Variants in SORD observed in about 807,000 individuals in gnomAD.
SORD encodes (R,R)-butanediol dehydrogenase.
SORD carries 18 observed loss-of-function variants against 35.6 expected under a neutral mutation model. That is an observed-to-expected ratio of 0.51 (90% CI 0.35 to 0.75). SORD has a LOEUF of 0.75. Among genes scored for constraint, SORD ranks in the 30% least tolerant of loss-of-function variants. SORD has a pLI of 0.01. For missense variants in SORD, 250 were observed against 390.2 expected (o/e 0.64, Z 3.03); for synonymous variants, 106 against 152.9 (o/e 0.69, Z 2.26).
At position 45,073,780 on chromosome 15, in the gene SORD, T is replaced by TGGCA; in HGVS notation, c.*257_*260dup. On this transcript the variant is annotated 3_prime_UTR_variant, in exon 9 of 9. Coordinates refer to ENST00000267814, the MANE Select transcript of SORD (RefSeq NM_003104.6). ...AAAGTTCAGCAAGTAGAGCAGAGTT[T>TGGCA]GGCAGGCAGGTGCCAGGAACTCCCC... is the stretch of plus-strand genomic sequence containing the variant. The TGGCA allele has an allele frequency of 4.5e-6, 1 of 221,766 alleles. No homozygotes were observed. Among genetic ancestry groups the TGGCA allele is most frequent in the South Asian group, 1.6e-4 (1 of 6,216 alleles). The allele number at this position is 221,766 out of a possible 1,614,324, so 13.7% of individuals were successfully genotyped here. A position where few individuals can be genotyped will look rare whatever the true frequency, so the allele number is the denominator to read the frequency against.
intron 1 of SORD, among the ~76,000 whole-genome samples, chr15:45,031,505 C>A (rs768922839): frequency 6.6e-6 from 1 of 152,254 alleles, no homozygotes; most frequent in Non-Finnish European, 1.5e-5. Flanking sequence ...AGAGTTCTCA[C>A]GGGCAGAGCT....
intron 3 of SORD, among the ~76,000 whole-genome samples, chr15:45,044,137 C>G (rs1391505846): frequency 6.6e-6 from 1 of 152,188 alleles, no homozygotes; most frequent in African/African-American, 2.4e-5. Flanking sequence ...AGGCATGTGT[C>G]TTGTTTAGGG....
At chr15:45,064,855 C>T (rs1324540660) in intron 4 of SORD, among the ~76,000 whole-genome samples, 1 of 152,194 alleles carries the variant, frequency 6.6e-6, no homozygotes, top group Non-Finnish European at 1.5e-5. Flanking sequence ...GCTTGGATAG[C>T]ACATTAAAGA....
At chr15:45,051,635 A>G (rs1160060139) in intron 3 of SORD, among the ~76,000 whole-genome samples, 1 of 152,232 alleles carries the variant, frequency 6.6e-6, no homozygotes, top group Non-Finnish European at 1.5e-5. Flanking sequence ...CTTCCAAACA[A>G]TCTGTCTTTA....
intron 1 of SORD, among the ~76,000 whole-genome samples, chr15:45,027,876 TA>T (rs1253884552): frequency 1.3e-5 from 2 of 152,258 alleles, no homozygotes; most frequent in African/African-American, 4.8e-5. Context: ...TGCGGGGAAT[TA>T]ATATATTGAC....
intron 3 of SORD, among the ~76,000 whole-genome samples, chr15:45,057,967 C>T (rs1893244211): frequency 6.6e-6 from 1 of 152,170 alleles, no homozygotes; most frequent in Admixed American, 6.5e-5. Context: ...ATCTTGAATT[C>T]TCCCTGTTTC....
At chr15:45,059,572 C>T (rs1413815119) in intron 3 of SORD, among the ~76,000 whole-genome samples, 2 of 152,204 alleles carry the variant, frequency 1.3e-5, no homozygotes, top group East Asian at 3.9e-4. Context: ...TGTCTCTCTG[C>T]AGCCTCAACC....
At position 45,023,195 on chromosome 15, in the gene SORD, A is replaced by G. The variant is rs1892616286; in HGVS notation, c.-89A>G. 2.7e-6 allele frequency: 3 copies of G among 1,122,250 alleles called. No homozygotes were observed. The highest frequency in any genetic ancestry group is 2.4e-6 in the Non-Finnish European group (2 of 826,274). 69.5% of individuals were successfully genotyped at this position (1,122,250 alleles called of 1,614,324 possible). A position where few individuals can be genotyped will look rare whatever the true frequency, so the allele number is the denominator to read the frequency against. On this transcript the variant is annotated 5_prime_UTR_variant, in exon 1 of 9. Transcript: ENST00000267814. The stretch of plus-strand genomic sequence containing the variant: ...TTCTCCCAGGCCCCACCTTCCATCC[A>G]GTGCCCTGGACCCTCGGCTGGGTAG...
intron 1 of SORD, among the ~76,000 whole-genome samples, chr15:45,029,362 T>C (rs1341490745): frequency 8.6e-6 from 1 of 115,818 alleles, no homozygotes; most frequent in Non-Finnish European, 1.6e-5. Flanking sequence ...TCTTGGCCCC[T>C]TCGCCAGACC....
At chr15:45,061,772 G>A (rs1224407349) in intron 4 of SORD, among the ~76,000 whole-genome samples, 2 of 152,066 alleles carry the variant, frequency 1.3e-5, no homozygotes, top group Non-Finnish European at 2.9e-5. Context: ...GGGAGGCTGA[G>A]GCAGGAGAAT....
chr15:45,030,377 C>T (rs766406905), intron 1 of SORD, among the ~76,000 whole-genome samples: 7 of 152,222 alleles, frequency 4.6e-5, no homozygotes, highest in Non-Finnish European at 7.3e-5. Context: ...AATATGTACA[C>T]GTAGATACAA....
intron 7 of SORD, among the ~76,000 whole-genome samples, chr15:45,071,156 A>T (rs1476037156): frequency 6.6e-6 from 1 of 152,180 alleles, no homozygotes; most frequent in East Asian, 1.9e-4. Flanking sequence ...CAGATGCCAT[A>T]CCTACAGGAT....
intron 1 of SORD, among the ~76,000 whole-genome samples, chr15:45,034,629 G>A (rs761424920): frequency 4.6e-5 from 7 of 152,368 alleles, no homozygotes; most frequent in Non-Finnish European, 8.8e-5. Flanking sequence ...TAGGGCAGCG[G>A]GAGCAGCTGA....
chr15:45,041,594 A>G (rs2259840), intron 2 of SORD: 6 of 152,074 alleles, frequency 3.9e-5, no homozygotes, highest in South Asian at 4.1e-4. Context: ...TAGCCATTCT[A>G]TGGGTGCTGA....
intron 1 of SORD, among the ~76,000 whole-genome samples, chr15:45,030,188 T>G (rs1892752923): frequency 6.6e-6 from 1 of 152,210 alleles, no homozygotes; most frequent in African/African-American, 2.4e-5. Flanking sequence ...CACCCCTATC[T>G]GCCTAGGCAT....
intron 2 of SORD, among the ~76,000 whole-genome samples, chr15:45,042,975 T>C (rs1375350089): frequency 2.0e-5 from 3 of 151,930 alleles, no homozygotes; most frequent in Non-Finnish European, 4.4e-5. Flanking sequence ...TCAAAGTCTA[T>C]TGGTTTAAAA....
chr15:45,024,466 C>T (rs560279967), intron 1 of SORD, among the ~76,000 whole-genome samples: 6 of 152,292 alleles, frequency 3.9e-5, no homozygotes, highest in African/African-American at 1.4e-4. Context: ...TCTCCATCTC[C>T]TCAGTTGAAG....
chr15:45,060,621 T>C (rs531641182), intron 3 of SORD, among the ~76,000 whole-genome samples: 53 of 152,356 alleles, frequency 3.5e-4, no homozygotes, highest in African/African-American at 1.3e-3. Context: ...TTTTGCTTTC[T>C]ATCTTCCAAA....
rs900520091 is a variant in SORD, at chr15:45,074,236, G to A, written c.*706G>A. On this transcript the variant is annotated 3_prime_UTR_variant, in exon 9 of 9. Coordinates refer to ENST00000267814, the MANE Select transcript of SORD (RefSeq NM_003104.6). ...GAAGATTGCCTCTTCTACAGCTTCT[G>A]AGAATTGTGTTATTTCACTTGCCAA... The A allele has an allele frequency of 2.0e-5, 3 of 146,856 alleles. No homozygotes were observed. The highest frequency in any genetic ancestry group is 6.7e-5 in the Admixed American group (1 of 14,932). The allele number at this position is 146,856 out of a possible 1,614,324, so 9.1% of individuals were successfully genotyped here. A position where few individuals can be genotyped will look rare whatever the true frequency, so the allele number is the denominator to read the frequency against.
Sources: gnomAD v4.1 joint callset for allele counts (sites outside exome capture counted in the v4.1 genomes callset) on GRCh38, gnomAD v4.1.1 for gene constraint, MANE v1.5 for transcripts, NCBI Gene and HGNC (gene_info 2026-07-23, HGNC 2026-07-21) for gene names.